TRPC4: variants seen among roughly 807,000 people sequenced by gnomAD.
TRPC4 encodes the protein transient receptor potential cation channel subfamily C member 4, also known as short transient receptor potential channel 4.
In TRPC4, 49 loss-of-function variants were observed where a neutral mutation model predicts 99.4. That is an observed-to-expected ratio of 0.49 (90% CI 0.39 to 0.63). TRPC4 has a LOEUF of 0.63. TRPC4 is among the 20% of genes least tolerant of loss of function. The probability of loss-of-function intolerance (pLI) is 0.00; values close to 1 mark genes in which losing one functional copy is unlikely to be tolerated. For synonymous variants in TRPC4, 454 were observed against 425.9 expected, an observed-to-expected ratio of 1.07 and a Z score of -0.81; for missense variants, 898 against 1,152.9, an observed-to-expected ratio of 0.78 and a Z score of 3.20.
At chr13:37,745,520 G>GTATA (rs1222409568) in intron 3 of TRPC4, among the ~76,000 whole-genome samples, 1 of 94,708 alleles carries the variant, frequency 1.1e-5, no homozygotes. Flanking sequence ...ATATATATAC[G>GTATA]TATATATGTA....
Position 37,632,656 on chromosome 13 carries a change from T to C in TRPC4, c.*4247A>G, listed in dbSNP as rs922069627. On this transcript the variant is annotated 3_prime_UTR_variant, in exon 11 of 11. Coordinates refer to ENST00000379705, the MANE Select transcript of TRPC4 (RefSeq NM_016179.4). The stretch of plus-strand genomic sequence containing the variant: ...TCTTAGTTCAACTGTACATTGTCCA[T>C]CTCTAATGTTTTTCAGTTGAGAAGC... Among the ~76,000 whole-genome samples the C allele has an allele frequency of 3.3e-5, 5 of 152,192 alleles. No individual in the cohort carries two copies. The highest frequency in any genetic ancestry group is 1.2e-4 in the African/African-American group (5 of 41,456).
intron 1 of TRPC4, among the ~76,000 whole-genome samples, chr13:37,826,767 C>A (rs898096241): frequency 2.0e-5 from 3 of 152,068 alleles, no homozygotes; most frequent in African/African-American, 7.2e-5. Context: ...TTGCTCTTCT[C>A]GAGGAGTATC....
chr13:37,660,182 T>A (rs1017642754), intron 6 of TRPC4, among the ~76,000 whole-genome samples: 1 of 152,010 alleles, frequency 6.6e-6, no homozygotes, highest in African/African-American at 2.4e-5. Context: ...ATTATCAGAG[T>A]ATACTTAAGG....
intron 3 of TRPC4, among the ~76,000 whole-genome samples, chr13:37,722,140 CT>C (rs150103984): frequency 0.057 from 8,744 of 152,170 alleles, 357 homozygotes; most frequent in Non-Finnish European, 0.083. Context: ...AGGTTAAATA[CT>C]TTGTTTAAAG....
chr13:37,846,025 T>A (rs555860291), intron 1 of TRPC4, among the ~76,000 whole-genome samples: 1 of 152,230 alleles, frequency 6.6e-6, no homozygotes, highest in South Asian at 2.1e-4. Context: ...TCTATATTAA[T>A]AGTGCTGAAG....
chr13:37,767,902 A>G (rs1442370607), intron 2 of TRPC4, among the ~76,000 whole-genome samples: 2 of 151,472 alleles, frequency 1.3e-5, no homozygotes, highest in East Asian at 3.9e-4. Flanking sequence ...ATTTATGCCT[A>G]ATGAATAGAC....
Position 37,687,709 on chromosome 13 carries a change from G to A in TRPC4, c.1234+4290C>T, listed in dbSNP as rs569570696. On this transcript the variant is annotated intron_variant, in intron 4 of 10. Coordinates refer to ENST00000379705, the MANE Select transcript of TRPC4 (RefSeq NM_016179.4). Reference sequence around the variant, plus strand: ...CCCTAAATAAGTTAAGAGCCTCAGAGTCATGGAGAACGTAAAAGTACCCAA... The same window carrying A: ...CCCTAAATAAGTTAAGAGCCTCAGAATCATGGAGAACGTAAAAGTACCCAA... 5.8e-4 allele frequency among the ~76,000 whole-genome samples: 88 copies of A among 152,222 alleles called. No homozygotes were observed. The South Asian group carries it at 0.017, about 29-fold the overall frequency.
intron 3 of TRPC4, 95 bp downstream of exon 3, chr13:37,745,842 G>T: frequency 1.5e-6 from 2 of 1,358,022 alleles, no homozygotes; most frequent in Non-Finnish European, 2.0e-6. Context: ...AATAGAAAAT[G>T]CTCTAAAACC....
At chr13:37,707,932 G>A in intron 3 of TRPC4, among the ~76,000 whole-genome samples, 1 of 152,054 alleles carries the variant, frequency 6.6e-6, no homozygotes, top group East Asian at 1.9e-4. Context: ...AAGGAACTGT[G>A]CCTTTTCACT....
intron 1 of TRPC4, among the ~76,000 whole-genome samples, chr13:37,816,250 G>A (rs1002187874): frequency 3.3e-5 from 5 of 151,790 alleles, no homozygotes; most frequent in African/African-American, 4.8e-5. Flanking sequence ...CAACACAGGA[G>A]CACCCAGACT....
intron 6 of TRPC4, 82 bp from the exon 7 acceptor site, chr13:37,655,365 T>TTTTA (rs778324707): frequency 1.1e-5 from 4 of 370,950 alleles, no homozygotes; most frequent in East Asian, 1.4e-4. Context: ...CTTGGCATGA[T>TTTTA]TATATATATA....
intron 10 of TRPC4, 56 bp downstream of exon 10, chr13:37,638,984 A>C: frequency 6.4e-7 from 1 of 1,558,788 alleles, no homozygotes; most frequent in Non-Finnish European, 8.8e-7. Context: ...AATGTGCTCT[A>C]TCTGGATCCA....
At chr13:37,710,645 T>C (rs1302486679) in intron 3 of TRPC4, among the ~76,000 whole-genome samples, 1 of 151,936 alleles carries the variant, frequency 6.6e-6, no homozygotes, top group African/African-American at 2.4e-5. Flanking sequence ...AATACATTAC[T>C]AAATACATAC....
chr13:37,674,416 T>C, intron 4 of TRPC4, 49 bp from the exon 5 acceptor site: 1 of 1,565,246 alleles, frequency 6.4e-7, no homozygotes, highest in South Asian at 1.2e-5. Flanking sequence ...ATAGAATCAC[T>C]AAAAAAGCAA....
intron 1 of TRPC4, among the ~76,000 whole-genome samples, chr13:37,788,470 A>G (rs1187768910): frequency 6.6e-6 from 1 of 152,068 alleles, no homozygotes. Context: ...CCTAGTTGCC[A>G]AATACATTTG....
chr13:37,684,008 A>G (rs1281741031), intron 4 of TRPC4, among the ~76,000 whole-genome samples: 1 of 152,166 alleles, frequency 6.6e-6, no homozygotes, highest in Non-Finnish European at 1.5e-5. Context: ...AGAGTGATAG[A>G]AAGAAGTAAA....
At chr13:37,652,251 G>A (rs566229175) in intron 7 of TRPC4, among the ~76,000 whole-genome samples, 1 of 152,346 alleles carries the variant, frequency 6.6e-6, no homozygotes, top group South Asian at 2.1e-4. Context: ...AGGTGGTAGA[G>A]ACTGGGCATA....
At chr13:37,640,550 A>G (rs528562235) in intron 8 of TRPC4, among the ~76,000 whole-genome samples, 1 of 152,276 alleles carries the variant, frequency 6.6e-6, no homozygotes, top group Admixed American at 6.5e-5. Context: ...ATACATTTTG[A>G]GAAAAACATT....
chr13:37,745,969 G>A lies in TRPC4; in HGVS notation c.865C>T (p.Leu289=), dbSNP rs1955763941. The A allele has an allele frequency of 6.2e-7, 1 of 1,613,446 alleles. No homozygotes were observed. The highest frequency in any genetic ancestry group is 8.5e-7 in the Non-Finnish European group (1 of 1,179,612). ...EEQSGNDLAR[L]KLAIKYRQKE... Reference sequence around the variant, plus strand: ...TGACGGTACTTAATGGCCAATTTTAGTCTTGCAAGATCATTTCCACTTTGT... The same window carrying A: ...TGACGGTACTTAATGGCCAATTTTAATCTTGCAAGATCATTTCCACTTTGT... Residue 289 remains leucine, a synonymous_variant, in exon 3 of 11, where the codon CTA becomes TTA. Coordinates refer to ENST00000379705, the MANE Select transcript of TRPC4 (RefSeq NM_016179.4).
Sources: gnomAD v4.1 joint callset for allele counts (sites outside exome capture counted in the v4.1 genomes callset) on GRCh38, gnomAD v4.1.1 for gene constraint, MANE v1.5 for transcripts, NCBI Gene and HGNC (gene_info 2026-07-23, HGNC 2026-07-21) for gene names.